The following GPM6B variants were observed in gnomAD, a reference collection of about 807,000 sequenced individuals.
The protein encoded by GPM6B is glycoprotein M6B.
In GPM6B, 4 loss-of-function variants were observed where a neutral mutation model predicts 27.2. The observed-to-expected ratio is 0.15, with a 90% CI of 0.07 to 0.34. GPM6B has a LOEUF of 0.34. Ranked by LOEUF, GPM6B falls within the 10% of genes least tolerant of loss-of-function variation. GPM6B has a pLI of 1.00. For missense variants in GPM6B, 183 were observed against 261.9 expected, an observed-to-expected ratio of 0.70 and a Z score of 2.08; for synonymous variants, 124 against 103.1, an observed-to-expected ratio of 1.20 and a Z score of -1.23.
intron 1 of GPM6B, among the ~76,000 whole-genome samples, chrX:13,933,647 G>C (rs1365326427): frequency 8.9e-6 from 1 of 112,165 alleles, no homozygotes; most frequent in African/African-American, 3.2e-5. Context: ...TGAAAACCAG[G>C]TTGATTACTT....
chrX:13,836,760 CAT>C (rs1043650137), intron 1 of GPM6B, among the ~76,000 whole-genome samples: 10 of 112,506 alleles, frequency 8.9e-5, no homozygotes, highest in Non-Finnish European at 1.5e-4. Flanking sequence ...GTGTACCTGA[CAT>C]ATACAAATTG....
At chrX:13,889,052 GGA>G (rs1338199797) in intron 1 of GPM6B, 1 of 111,381 alleles carries the variant, frequency 9.0e-6, no homozygotes, top group African/African-American at 3.3e-5. Context: ...GATGCACGTT[GGA>G]ATTAACTGGA....
intron 1 of GPM6B, among the ~76,000 whole-genome samples, chrX:13,843,664 T>C (rs187854197): frequency 1.8e-5 from 2 of 112,542 alleles, no homozygotes; most frequent in African/African-American, 6.4e-5. Context: ...CTCATTGTGG[T>C]TTCAATTTGC....
intron 2 of GPM6B, among the ~76,000 whole-genome samples, chrX:13,798,129 C>T (rs1166400908): frequency 1.8e-5 from 2 of 110,825 alleles, no homozygotes; most frequent in Non-Finnish European, 3.8e-5. Flanking sequence ...AATTACACCA[C>T]AAGAAAGCGT....
At chrX:13,838,344 T>C (rs2049531373) in intron 1 of GPM6B, among the ~76,000 whole-genome samples, 1 of 111,925 alleles carries the variant, frequency 8.9e-6, no homozygotes, top group African/African-American at 3.2e-5. Flanking sequence ...AGTACATCTT[T>C]AAGAGTCCAG....
Position 13,901,248 on chromosome X carries a change from T to C in GPM6B, c.-198+37079A>G, listed in dbSNP as rs149886462. Among the ~76,000 whole-genome samples the C allele has an allele frequency of 5.8e-3, 649 of 111,051 alleles. 4 individuals carry two copies. Among genetic ancestry groups the C allele is most frequent in the African/African-American group, 0.02 (608 of 30,541 alleles). On this transcript the variant is annotated intron_variant, in intron 1 of 6. Transcript: ENST00000398361. ...GTGGTCACTGAGGCAGCTAAAAAAA[T>C]GCAGAGAAAATAGAAAATAAGCATC...
chrX:13,801,715 T>C (rs1469417842), intron 2 of GPM6B, among the ~76,000 whole-genome samples: 1 of 111,445 alleles, frequency 9.0e-6, no homozygotes, highest in African/African-American at 3.3e-5. Flanking sequence ...AAACAGCACA[T>C]GAATATAAAC....
chrX:13,824,117 T>C (rs2049343721), intron 1 of GPM6B, among the ~76,000 whole-genome samples: 1 of 112,048 alleles, frequency 8.9e-6, no homozygotes, highest in Non-Finnish European at 1.9e-5. Flanking sequence ...ATTGTGAGGC[T>C]GTCCTGGGCA....
chrX:13,826,748 GT>G (rs896371807), intron 1 of GPM6B, among the ~76,000 whole-genome samples: 1 of 104,634 alleles, frequency 9.6e-6, no homozygotes, highest in African/African-American at 3.5e-5. Context: ...TTGTTTTTTT[GT>G]TTTTTTTTTA....
intron 1 of GPM6B, among the ~76,000 whole-genome samples, chrX:13,825,703 C>T (rs73453247): frequency 0.044 from 4,899 of 112,448 alleles, 247 homozygotes; most frequent in African/African-American, 0.15. Context: ...GAAGCAGGGG[C>T]AGCCCACTTT....
At chrX:13,783,874 T>C (rs2048562952) in intron 3 of GPM6B, 1 of 346,352 alleles carries the variant, frequency 2.9e-6, no homozygotes, top group African/African-American at 2.6e-5. Context: ...GATACACAGT[T>C]AGTGGCAAAG....
intron 2 of GPM6B, among the ~76,000 whole-genome samples, chrX:13,795,361 G>T (rs750959945): frequency 8.9e-6 from 1 of 112,192 alleles, no homozygotes; most frequent in African/African-American, 3.2e-5. Context: ...ACCACTAGCT[G>T]CTGAATTTTG....
At chrX:13,915,827 T>C (rs1275991466) in intron 1 of GPM6B, among the ~76,000 whole-genome samples, 1 of 112,559 alleles carries the variant, frequency 8.9e-6, no homozygotes, top group Non-Finnish European at 1.9e-5. Context: ...TGTATATATG[T>C]ATTACGTATA....
chrX:13,911,669 A>T (rs2050379385), intron 1 of GPM6B, among the ~76,000 whole-genome samples: 1 of 112,047 alleles, frequency 8.9e-6, no homozygotes, highest in African/African-American at 3.2e-5. Context: ...CTCTGTTTCC[A>T]CGATCATGTA....
intron 1 of GPM6B, among the ~76,000 whole-genome samples, chrX:13,928,705 C>A (rs1921329438): frequency 8.9e-6 from 1 of 112,545 alleles, no homozygotes; most frequent in Non-Finnish European, 1.9e-5. Flanking sequence ...TTTAAACATT[C>A]TTTTCGGGAA....
At chrX:13,875,315 T>C (rs1461969170) in intron 1 of GPM6B, among the ~76,000 whole-genome samples, 1 of 111,013 alleles carries the variant, frequency 9.0e-6, no homozygotes, top group Non-Finnish European at 1.9e-5. Context: ...GGGGTGCTCA[T>C]AGGGACTAGT....
intron 2 of GPM6B, among the ~76,000 whole-genome samples, chrX:13,802,945 C>T (rs774349388): frequency 1.8e-5 from 2 of 111,811 alleles, no homozygotes; most frequent in African/African-American, 6.5e-5. Context: ...GGTCGACACC[C>T]AACTATGGCC....
At chrX:13,789,819 T>C (rs1306535126) in intron 2 of GPM6B, among the ~76,000 whole-genome samples, 5 of 109,516 alleles carry the variant, frequency 4.6e-5, no homozygotes, top group Non-Finnish European at 7.6e-5. Flanking sequence ...AAAAACAAAA[T>C]CATGGGAAGC....
At chrX:13,786,358 C>T (rs1327358232) in intron 2 of GPM6B, among the ~76,000 whole-genome samples, 2 of 111,881 alleles carry the variant, frequency 1.8e-5, no homozygotes, top group African/African-American at 3.3e-5. Flanking sequence ...ATTATGCCGT[C>T]GCCAGGTTCA....
Sources: gnomAD v4.1 joint callset for allele counts (sites outside exome capture counted in the v4.1 genomes callset) on GRCh38, gnomAD v4.1.1 for gene constraint, MANE v1.5 for transcripts, NCBI Gene and HGNC (gene_info 2026-07-23, HGNC 2026-07-21) for gene names.